DLC1: variants seen among roughly 807,000 people sequenced by gnomAD.
DLC1 encodes DLC1 Rho GTPase activating protein.
Under a neutral mutation model 140.3 loss-of-function variants are expected in DLC1, and 54 were observed. The observed-to-expected ratio is 0.38, with a 90% CI of 0.31 to 0.48. DLC1 has a LOEUF of 0.48. Among genes scored for constraint, DLC1 ranks in the 20% least tolerant of loss-of-function variants. The pLI, the probability that DLC1 is intolerant of heterozygous loss-of-function variation, is 0.96. For synonymous variants in DLC1, 986 were observed against 728.1 expected (o/e 1.35, Z -5.70); for missense variants, 2,536 against 1,907.0 (o/e 1.33, Z -6.14).
intron 5 of DLC1, among the ~76,000 whole-genome samples, chr8:13,247,703 C>T (rs1259500041): frequency 6.6e-6 from 1 of 152,166 alleles, no homozygotes; most frequent in East Asian, 1.9e-4. Flanking sequence ...CATGCAAATG[C>T]CTGTCTTTGA....
At chr8:13,558,857 C>T (rs1246607071) in intron 1 of DLC1, 4 of 152,114 alleles carry the variant, frequency 2.6e-5, no homozygotes, top group Non-Finnish European at 4.4e-5. Flanking sequence ...TTCAGGAGGG[C>T]CGATGACTTT....
chr8:13,261,564 T>G (rs1230163838), intron 5 of DLC1, among the ~76,000 whole-genome samples: 3 of 151,856 alleles, frequency 2.0e-5, no homozygotes, highest in Non-Finnish European at 4.4e-5. Context: ...AGGGTGGAGG[T>G]GGGGAGGCCA....
chr8:13,481,048 G>C (rs923639659), intron 2 of DLC1, among the ~76,000 whole-genome samples: 23 of 152,192 alleles, frequency 1.5e-4, no homozygotes, highest in African/African-American at 5.6e-4. Context: ...AGAGAATAAA[G>C]GAAATGAGTA....
chr8:13,280,105 C>T (rs2117420017), intron 5 of DLC1, among the ~76,000 whole-genome samples: 1 of 150,476 alleles, frequency 6.6e-6, no homozygotes, highest in East Asian at 2.0e-4. Flanking sequence ...CAGTGAAACC[C>T]CCGTCTCTAC....
In DLC1 at chr8:13,100,311, G is replaced by A. The variant is rs950850536; in HGVS notation, c.2026C>T (p.Leu676Phe). The change falls in exon 9 of 18, where the codon CTC becomes TTC. Residue 676 changes from leucine (L) to phenylalanine (F), a missense_variant. Coordinates refer to ENST00000276297, the MANE Select transcript of DLC1 (RefSeq NM_182643.3). ...TGCTTGCTGTGATGGGAGCTCTTGA[G>A]CTTCAGGCTCTCCATCCGTTTCAGC... Reference protein sequence around the residue: ...SLLKRMESLKLKSSHHSKHKA... With the variant: ...SLLKRMESLKFKSSHHSKHKA... The A allele has an allele frequency of 1.2e-6, 2 of 1,614,176 alleles. No homozygotes were observed. The highest frequency in any genetic ancestry group is 1.7e-5 in the Admixed American group (1 of 60,026).
At chr8:13,107,669 A>G (rs1032732930) in intron 7 of DLC1, among the ~76,000 whole-genome samples, 1 of 152,236 alleles carries the variant, frequency 6.6e-6, no homozygotes, top group African/African-American at 2.4e-5. Flanking sequence ...AGGCAGGTCT[A>G]GCAAATGAAG....
At chr8:13,553,832 G>T (rs936454363) in intron 1 of DLC1, among the ~76,000 whole-genome samples, 1 of 152,082 alleles carries the variant, frequency 6.6e-6, no homozygotes. Context: ...AATTCTAATA[G>T]TTAATTCTTA....
At chr8:13,585,407 A>T (rs1805265024) in intron 1 of DLC1, among the ~76,000 whole-genome samples, 1 of 152,164 alleles carries the variant, frequency 6.6e-6, no homozygotes, top group Non-Finnish European at 1.5e-5. Flanking sequence ...TCTATAAAAA[A>T]TTTAAAAAAA....
At chr8:13,577,085 T>C (rs1323826771) in intron 1 of DLC1, among the ~76,000 whole-genome samples, 1 of 152,118 alleles carries the variant, frequency 6.6e-6, no homozygotes, top group Non-Finnish European at 1.5e-5. Context: ...GTTGTGGTAA[T>C]CCACCATGGG....
intron 1 of DLC1, among the ~76,000 whole-genome samples, chr8:13,572,178 C>T (rs982418511): frequency 6.6e-6 from 1 of 151,630 alleles, no homozygotes; most frequent in African/African-American, 2.4e-5. Context: ...CAAGCTCCAC[C>T]TCCCGGGTTC....
chr8:13,489,442 C>CACACACAA (rs1197982916), intron 2 of DLC1, among the ~76,000 whole-genome samples: 1 of 150,352 alleles, frequency 6.7e-6, no homozygotes, highest in Non-Finnish European at 1.5e-5. Flanking sequence ...CACACACACA[C>CACACACAA]ACACACAAAA....
chr8:13,184,961 G>T (rs1219570642), intron 5 of DLC1, among the ~76,000 whole-genome samples: 1 of 152,092 alleles, frequency 6.6e-6, no homozygotes, highest in East Asian at 1.9e-4. Context: ...GTAAGGACTT[G>T]CTTTATGAAT....
chr8:13,579,889 C>T (rs547276195), intron 1 of DLC1, among the ~76,000 whole-genome samples: 1 of 151,826 alleles, frequency 6.6e-6, no homozygotes, highest in East Asian at 1.9e-4. Flanking sequence ...ATTTCCTAAG[C>T]ACTCTCTAGA....
chr8:13,574,516 A>G (rs1185588300), intron 1 of DLC1, among the ~76,000 whole-genome samples: 1 of 152,156 alleles, frequency 6.6e-6, no homozygotes, highest in African/African-American at 2.4e-5. Flanking sequence ...ATGAGGTGCT[A>G]AGAAGCCACA....
intron 5 of DLC1, among the ~76,000 whole-genome samples, chr8:13,235,993 A>C (rs1183135083): frequency 6.6e-6 from 1 of 152,064 alleles, no homozygotes; most frequent in Non-Finnish European, 1.5e-5. Context: ...TTTAAAAAAA[A>C]AACTATAATT....
intron 5 of DLC1, chr8:13,276,336 C>T: frequency 2.6e-6 from 4 of 1,529,554 alleles, no homozygotes; most frequent in Non-Finnish European, 3.5e-6. Context: ...GATGTGATCG[C>T]TAAAGGACCT....
intron 2 of DLC1, among the ~76,000 whole-genome samples, chr8:13,418,961 A>C (rs1397575547): frequency 6.6e-6 from 1 of 151,448 alleles, no homozygotes; most frequent in Non-Finnish European, 1.5e-5. Flanking sequence ...TAAGTATTTT[A>C]TTCTCTTTGA....
intron 1 of DLC1, among the ~76,000 whole-genome samples, chr8:13,522,908 C>A (rs964998297): frequency 2.0e-5 from 3 of 151,964 alleles, no homozygotes; most frequent in African/African-American, 7.3e-5. Flanking sequence ...GTAGAATGAA[C>A]AGATAGTGCA....
intron 4 of DLC1, among the ~76,000 whole-genome samples, chr8:13,319,817 C>CTTTTTTTT (rs1563250552): frequency 5.9e-5 from 1 of 17,060 alleles, no homozygotes; most frequent in East Asian, 4.2e-3. Flanking sequence ...AATTCTCTCT[C>CTTTTTTTT]TCTCTTTTTT....
Sources: gnomAD v4.1 joint callset for allele counts (sites outside exome capture counted in the v4.1 genomes callset) on GRCh38, gnomAD v4.1.1 for gene constraint, MANE v1.5 for transcripts, NCBI Gene and HGNC (gene_info 2026-07-23, HGNC 2026-07-21) for gene names.